TMTC2: variants seen among roughly 807,000 people sequenced by gnomAD.
TMTC2 encodes the protein transmembrane O-mannosyltransferase targeting cadherins 2.
TMTC2 carries 43 observed loss-of-function variants against 82.4 expected under a neutral mutation model. That is an observed-to-expected ratio of 0.52 (90% CI 0.41 to 0.67). The LOEUF (loss-of-function observed/expected upper bound fraction) is 0.67, where lower values mean the gene tolerates loss of function less well. TMTC2 is among the 30% of genes least tolerant of loss of function. The pLI is 0.00. For missense variants in TMTC2, 919 were observed against 1,012.4 expected (o/e 0.91, Z 1.25); for synonymous variants, 408 against 381.9 (o/e 1.07, Z -0.80).
intron 11 of TMTC2, among the ~76,000 whole-genome samples, chr12:83,080,657 G>A (rs1883434831): frequency 6.6e-6 from 1 of 152,132 alleles, no homozygotes; most frequent in African/African-American, 2.4e-5. Context: ...CCTACTTCAT[G>A]TGTAACATTA....
At chr12:82,712,571 G>A (rs17009885) in intron 1 of TMTC2, among the ~76,000 whole-genome samples, 15,623 of 152,104 alleles carry the variant, frequency 0.1, 933 homozygotes, top group East Asian at 0.24. Context: ...GATGGAAGAA[G>A]TCATACTTGA....
intron 11 of TMTC2, among the ~76,000 whole-genome samples, chr12:83,063,383 A>T (rs554047361): frequency 6.6e-6 from 1 of 151,788 alleles, no homozygotes; most frequent in Admixed American, 6.6e-5. Flanking sequence ...TAATTATGAG[A>T]TGTTTCAAGA....
intron 10 of TMTC2, among the ~76,000 whole-genome samples, chr12:83,057,426 T>C (rs1410007158): frequency 6.6e-6 from 1 of 152,006 alleles, no homozygotes; most frequent in Non-Finnish European, 1.5e-5. Flanking sequence ...TAAGAAGGCT[T>C]AATGGTCATA....
intron 3 of TMTC2, among the ~76,000 whole-genome samples, chr12:82,923,082 A>G (rs1278346116): frequency 2.0e-5 from 3 of 152,186 alleles, no homozygotes; most frequent in Non-Finnish European, 4.4e-5. Context: ...AGATGGCATA[A>G]CAGAATGTCT....
chr12:82,997,366 GTGTA>G (rs1565845089), intron 8 of TMTC2, among the ~76,000 whole-genome samples: 3 of 20,194 alleles, frequency 1.5e-4, no homozygotes, highest in African/African-American at 2.1e-4. Flanking sequence ...ATATATATAT[GTGTA>G]TATATATATA....
chr12:83,010,803 G>A (rs114067408), intron 8 of TMTC2, among the ~76,000 whole-genome samples: 164 of 148,888 alleles, frequency 1.1e-3, no homozygotes, highest in African/African-American at 3.8e-3. Context: ...TGTATTGTAT[G>A]TAGTAAACGC....
chr12:82,750,291 G>T (rs547307260), intron 1 of TMTC2, among the ~76,000 whole-genome samples: 29 of 149,342 alleles, frequency 1.9e-4, no homozygotes, highest in African/African-American at 7.2e-4. Context: ...TTTCTACAAT[G>T]CTGGCCATAT....
chr12:82,740,703 C>T (rs2136952773), intron 1 of TMTC2, among the ~76,000 whole-genome samples: 1 of 152,240 alleles, frequency 6.6e-6, no homozygotes, highest in East Asian at 1.9e-4. Flanking sequence ...TTGTCTGTGC[C>T]ACAGACTTTC....
intron 2 of TMTC2, among the ~76,000 whole-genome samples, chr12:82,859,207 A>T (rs1871408938): frequency 6.6e-6 from 1 of 152,018 alleles, no homozygotes; most frequent in African/African-American, 2.4e-5. Flanking sequence ...AGCTGGGACT[A>T]CAGGCACATG....
intron 1 of TMTC2, among the ~76,000 whole-genome samples, chr12:82,830,543 A>G (rs1869693367): frequency 6.6e-6 from 1 of 152,126 alleles, no homozygotes; most frequent in East Asian, 1.9e-4. Context: ...TTTTTTTCTT[A>G]CAATGACACC....
At chr12:82,896,728 G>T in intron 3 of TMTC2, 82 bp downstream of exon 3, 1 of 1,128,618 alleles carries the variant, frequency 8.9e-7, no homozygotes, top group Non-Finnish European at 1.2e-6. Context: ...TTAAAACACA[G>T]TATTAAGGAG....
intron 3 of TMTC2, among the ~76,000 whole-genome samples, chr12:82,903,623 CAGG>C (rs1874145005): frequency 6.6e-6 from 1 of 152,102 alleles, no homozygotes; most frequent in South Asian, 2.1e-4. Flanking sequence ...CCGTGTTGGA[CAGG>C]ATGGTCTCGA....
At chr12:83,069,222 C>T (rs148944076) in intron 11 of TMTC2, among the ~76,000 whole-genome samples, 10,944 of 152,082 alleles carry the variant, frequency 0.072, 471 homozygotes, top group Middle Eastern at 0.095. Flanking sequence ...AGTAGTGGGA[C>T]TGCTAGATCA....
At chr12:83,060,741 G>A (rs144045868) in intron 10 of TMTC2, among the ~76,000 whole-genome samples, 1 of 151,692 alleles carries the variant, frequency 6.6e-6, no homozygotes, top group African/African-American at 2.4e-5. Flanking sequence ...GAAGCAGCAC[G>A]ATATGATCAA....
intron 1 of TMTC2, among the ~76,000 whole-genome samples, chr12:82,758,302 C>G (rs1876444921): frequency 1.3e-5 from 2 of 152,062 alleles, no homozygotes; most frequent in Non-Finnish European, 2.9e-5. Context: ...AGCCTCCTGT[C>G]ATTTGCTTTT....
chr12:82,801,831 C>A (rs374062754), intron 1 of TMTC2, among the ~76,000 whole-genome samples: 3 of 152,094 alleles, frequency 2.0e-5, no homozygotes, highest in Admixed American at 2.0e-4. Flanking sequence ...ATTCACAAAC[C>A]CTGAGCTAGA....
At chr12:82,692,300 G>A (rs1462960918) in intron 1 of TMTC2, among the ~76,000 whole-genome samples, 1 of 152,122 alleles carries the variant, frequency 6.6e-6, no homozygotes, top group Non-Finnish European at 1.5e-5. Flanking sequence ...TAGTTCTTCA[G>A]TGCTAATGTG....
At chr12:83,038,163 G>A (rs965049470) in intron 9 of TMTC2, among the ~76,000 whole-genome samples, 7 of 149,798 alleles carry the variant, frequency 4.7e-5, no homozygotes, top group African/African-American at 1.5e-4. Context: ...GGGAGGGATA[G>A]CATTAGGAGA....
intron 3 of TMTC2, among the ~76,000 whole-genome samples, chr12:82,899,933 G>T (rs887742199): frequency 1.7e-4 from 23 of 134,304 alleles, no homozygotes; most frequent in Non-Finnish European, 3.3e-4. Context: ...AGATATGTAG[G>T]AATGTATATA....
Sources: gnomAD v4.1 joint callset for allele counts (sites outside exome capture counted in the v4.1 genomes callset) on GRCh38, gnomAD v4.1.1 for gene constraint, MANE v1.5 for transcripts, NCBI Gene and HGNC (gene_info 2026-07-23, HGNC 2026-07-21) for gene names.